SSH1: variants seen among roughly 807,000 people sequenced by gnomAD.
SSH1 encodes protein phosphatase Slingshot homolog 1.
A neutral mutation model predicts 79.7 loss-of-function variants in SSH1; 43 were observed. The observed-to-expected ratio is 0.54, with a 90% CI of 0.42 to 0.70. The LOEUF (loss-of-function observed/expected upper bound fraction) is 0.70. Among genes scored for constraint, SSH1 ranks in the 30% least tolerant of loss-of-function variants. The probability of loss-of-function intolerance (pLI) is 0.00; values close to 1 mark genes in which losing one functional copy is unlikely to be tolerated. For missense variants in SSH1, 1,206 were observed against 1,358.8 expected, an observed-to-expected ratio of 0.89 and a Z score of 1.77; for synonymous variants, 599 against 538.3, an observed-to-expected ratio of 1.11 and a Z score of -1.56.
At chr12:108,823,490 T>C in intron 2 of SSH1, 129 bp from the exon 3 acceptor site, 2 of 760,986 alleles carry the variant, frequency 2.6e-6, no homozygotes, top group South Asian at 3.0e-5. Context: ...ATGAAACTGC[T>C]TTTATAATAA....
intron 3 of SSH1, among the ~76,000 whole-genome samples, chr12:108,821,627 G>A (rs548425806): frequency 1.3e-5 from 2 of 152,090 alleles, no homozygotes; most frequent in Admixed American, 6.6e-5. Flanking sequence ...GACCTGTTAC[G>A]GCTTAGTAAG....
chr12:108,857,479 C>A lies in SSH1; in HGVS notation c.18G>T (p.Leu6=). The stretch of plus-strand genomic sequence containing the variant: ...CGGCGCTGGGCGTGGGCGAGCGCTG[C>A]AGGGTCACCAGGGCCATGGCTGCGG... MALVT[L]QRSPTPSAAS... Residue 6 remains leucine (L), a synonymous_variant, in exon 1 of 15, where the codon CTG becomes CTT. Transcript: ENST00000326495. The surrounding 1 kb of genome is among the most constrained non-coding windows in gnomAD (Gnocchi z 4.7). 1.8e-6 allele frequency: 2 copies of A among 1,138,934 alleles called. No individual in the cohort carries two copies. Among genetic ancestry groups the A allele is most frequent in the African/African-American group, 1.7e-5 (1 of 60,198 alleles). 70.6% of individuals were successfully genotyped at this position (1,138,934 alleles called of 1,614,324 possible). A position where few individuals can be genotyped will look rare whatever the true frequency, so the allele number is the denominator to read the frequency against.
At chr12:108,798,255 C>A (rs768544798) in intron 13 of SSH1, among the ~76,000 whole-genome samples, 1 of 152,246 alleles carries the variant, frequency 6.6e-6, no homozygotes, top group Non-Finnish European at 1.5e-5. Context: ...TCTCGAACTC[C>A]TGAGCTCAAG....
chr12:108,825,748 G>A (rs973221771), intron 2 of SSH1, among the ~76,000 whole-genome samples: 10 of 152,160 alleles, frequency 6.6e-5, no homozygotes, highest in African/African-American at 2.2e-4. Flanking sequence ...CGAAAGAAAC[G>A]AGAAGCAGCC....
At position 108,857,446 on chromosome 12, in the gene SSH1, G is replaced by A; in HGVS notation, c.51C>T (p.Ser17=). 1.8e-6 allele frequency: 2 copies of A among 1,114,314 alleles called. No homozygotes were observed. Among genetic ancestry groups the A allele is most frequent in the South Asian group, 2.0e-5 (1 of 50,644 alleles). 69.0% of individuals were successfully genotyped at this position (1,114,314 alleles called of 1,614,324 possible). ...QRSPTPSAAS[S]SASNSELEAG... ...GGCTCACCTCGCTGTTGCTGGCCGA[G>A]GAGGAGGCGGCGCTGGGCGTGGGCG... Residue 17 remains serine, a synonymous_variant, in exon 1 of 15, where the codon TCC becomes TCT. Coordinates refer to ENST00000326495, the MANE Select transcript of SSH1 (RefSeq NM_018984.4). This position sits in a 1 kb window ranked among gnomAD's most constrained non-coding sequence, Gnocchi z 4.7.
intron 2 of SSH1, among the ~76,000 whole-genome samples, chr12:108,837,697 G>A (rs1195323272): frequency 6.6e-6 from 1 of 152,042 alleles, no homozygotes; most frequent in Non-Finnish European, 1.5e-5. Context: ...TAATGACCAA[G>A]TCAGAGTATC....
intron 2 of SSH1, among the ~76,000 whole-genome samples, chr12:108,835,655 T>G (rs1267770457): frequency 6.6e-6 from 1 of 151,398 alleles, no homozygotes; most frequent in Non-Finnish European, 1.5e-5. Flanking sequence ...TAAAAACCAT[T>G]TGGCGGGGAA....
At chr12:108,816,203 C>T (rs2037878617) in intron 5 of SSH1, among the ~76,000 whole-genome samples, 1 of 152,226 alleles carries the variant, frequency 6.6e-6, no homozygotes, top group Non-Finnish European at 1.5e-5. Context: ...TCTCTCCCTC[C>T]TATCTGGTTG....
chr12:108,791,989 C>T (rs2036522160), intron 14 of SSH1: 3 of 1,321,234 alleles, frequency 2.3e-6, no homozygotes, highest in South Asian at 5.7e-5. Context: ...AAGCCCTGCC[C>T]AGGGTATGAA....
chr12:108,793,001 G>A (rs2036580639), intron 13 of SSH1, among the ~76,000 whole-genome samples, 172 bp from the exon 14 acceptor site: 1 of 152,220 alleles, frequency 6.6e-6, no homozygotes, highest in Non-Finnish European at 1.5e-5. Flanking sequence ...AGAAACACAA[G>A]GATGAGAAAC....
rs1272927219 is a variant in SSH1, at chr12:108,817,150, G to T, written c.289C>A (p.Leu97Met). Residue 97 changes from leucine to methionine, a missense_variant, in exon 5 of 15, where the codon CTG becomes ATG. Leu to Met is a conservative substitution (Grantham distance 15, BLOSUM62 2). This residue lies in a region of SSH1 where 115 missense variants were observed against 173.9 expected (regional missense o/e 0.66). Coordinates refer to ENST00000326495, the MANE Select transcript of SSH1 (RefSeq NM_018984.4). ...CEDRIKLAVR[L>M]ESAWADRVRY... ...ACCCGGTCCGCCCAGGCGCTCTCCA[G>T]GCGCACTGCCTGGAACAGGGCAGAC... 3 of 1,613,888 alleles carry T rather than the reference G, an allele frequency of 1.9e-6. No homozygotes were observed. The highest frequency in any genetic ancestry group is 2.5e-6 in the Non-Finnish European group (3 of 1,180,016).
chr12:108,827,281 TC>T lies in SSH1; in HGVS notation c.111-3921del, dbSNP rs778056119. 41 of 1,550,990 alleles carry T rather than the reference TC, an allele frequency of 2.6e-5. No homozygotes were observed. In the Admixed American group the frequency reaches 5.3e-4, roughly 20 times the overall value. ...TACGTACTAATTTGAGCTGGAAACC[TC>T]TGGACAGCAGAAGCAGTGGGTTGGC... On this transcript the variant is annotated intron_variant, in intron 2 of 14. Transcript: ENST00000326495.
At position 108,788,134 on chromosome 12, in the gene SSH1, C is replaced by T. The variant is rs772060419; in HGVS notation, c.3004G>A (p.Ala1002Thr). 63 of 1,613,818 alleles carry T rather than the reference C, an allele frequency of 3.9e-5. No homozygotes were observed. The Admixed American group carries it at 6.3e-4, about 16-fold the overall frequency. Residue 1002 changes from alanine (A) to threonine (T), a missense_variant, in exon 15 of 15, where the codon GCT (alanine) becomes ACT (threonine). Around this residue, in one of 5 missense-constraint regions of SSH1, gnomAD observed 709 missense variants for 730.6 expected, o/e 0.97. Transcript: ENST00000326495. ...CTCAAAGTGGTGTCCTGGGAGTCAGCGACGGTGGACGGGTCAGCCTCACTG... is the reference window on the plus strand; with the variant it reads ...CTCAAAGTGGTGTCCTGGGAGTCAGTGACGGTGGACGGGTCAGCCTCACTG... ...LSSEADPSTV[A>T]DSQDTTLSES...
intron 2 of SSH1, among the ~76,000 whole-genome samples, chr12:108,846,817 G>A (rs1301638046): frequency 6.6e-6 from 1 of 152,132 alleles, no homozygotes; most frequent in African/African-American, 2.4e-5. Flanking sequence ...CTCCTCTGCC[G>A]TGAACTAACA....
intron 10 of SSH1, among the ~76,000 whole-genome samples, chr12:108,803,051 G>GA (rs2037091270): frequency 7.4e-6 from 1 of 135,990 alleles, no homozygotes; most frequent in Non-Finnish European, 1.6e-5. Context: ...ACCATGTAAG[G>GA]AAAAAAAATT....
chr12:108,820,617 C>CA (rs984461976), intron 3 of SSH1, among the ~76,000 whole-genome samples: 3 of 152,112 alleles, frequency 2.0e-5, no homozygotes, highest in Non-Finnish European at 2.9e-5. Flanking sequence ...CATCCACACA[C>CA]AAAAAAATCA....
At chr12:108,852,424 G>T (rs1464370447) in intron 2 of SSH1, among the ~76,000 whole-genome samples, 4 of 151,664 alleles carry the variant, frequency 2.6e-5, no homozygotes, top group African/African-American at 9.7e-5. Flanking sequence ...TAGAGACAGG[G>T]TTTCACCATG....
intron 13 of SSH1, among the ~76,000 whole-genome samples, chr12:108,794,602 G>A (rs772095367): frequency 1.3e-5 from 2 of 152,180 alleles, no homozygotes; most frequent in Non-Finnish European, 2.9e-5. Flanking sequence ...AACTTGTTTA[G>A]CACTGCAAAA....
chr12:108,787,839 C>T lies in SSH1; in HGVS notation c.*149G>A. 1 of 1,021,658 alleles carries T rather than the reference C, an allele frequency of 9.8e-7. No homozygotes were observed. Among genetic ancestry groups the T allele is most frequent in the Non-Finnish European group, 1.4e-6 (1 of 695,242 alleles). 63.3% of individuals were successfully genotyped at this position (1,021,658 alleles called of 1,614,324 possible). A position where few individuals can be genotyped will look rare whatever the true frequency, so the allele number is the denominator to read the frequency against. ...TGCATGTTGGTTAGTTTCTTCTCCTCCTCTCTATGGCAAGAGTAGGGGAAA... is the reference window on the plus strand; with the variant it reads ...TGCATGTTGGTTAGTTTCTTCTCCTTCTCTCTATGGCAAGAGTAGGGGAAA... On this transcript the variant is annotated 3_prime_UTR_variant, in exon 15 of 15. Coordinates refer to ENST00000326495, the MANE Select transcript of SSH1 (RefSeq NM_018984.4).
Sources: gnomAD v4.1 joint callset for allele counts (sites outside exome capture counted in the v4.1 genomes callset) on GRCh38, gnomAD v4.1.1 for gene constraint, gnomAD v4.1.1 regional missense constraint, Gnocchi (gnomAD v3.1) non-coding constraint, MANE v1.5 for transcripts, NCBI Gene and HGNC (gene_info 2026-07-23, HGNC 2026-07-21) for gene names.